Variants in FGF12 observed in about 807,000 individuals in gnomAD.
FGF12 encodes fibroblast growth factor 12B.
A neutral mutation model predicts 23.6 loss-of-function variants in FGF12; 14 were observed. That is an observed-to-expected ratio of 0.59 (90% CI 0.39 to 0.93). FGF12 has a LOEUF of 0.93. Among genes scored for constraint, FGF12 ranks in the 40% least tolerant of loss-of-function variants. The pLI, the probability that FGF12 is intolerant of heterozygous loss-of-function variation, is 0.00. For missense variants in FGF12, 175 were observed against 217.8 expected (o/e 0.80, Z 1.24); for synonymous variants, 62 against 77.3 (o/e 0.80, Z 1.04).
chr3:192,196,572 AT>A (rs1717080256), intron 4 of FGF12, among the ~76,000 whole-genome samples: 1 of 152,136 alleles, frequency 6.6e-6, no homozygotes, highest in African/African-American at 2.4e-5. Context: ...AATCCCATCT[AT>A]GCCATAAAGC....
rs1269791588 is a variant in FGF12, at chr3:192,140,375, A to G, written c.*3634T>C. On this transcript the variant is annotated 3_prime_UTR_variant, in exon 6 of 6. Transcript: ENST00000445105. ...CATCTTGTGCAGATGAAATTAAGCA[A>G]TATCATGGAAAACCTTCTCAAGAGC... 2 of 152,150 alleles carry G rather than the reference A, an allele frequency of 1.3e-5. No homozygotes were observed. Among genetic ancestry groups the G allele is most frequent in the East Asian group, 1.9e-4 (1 of 5,176 alleles). The allele number at this position is 152,150 out of a possible 1,614,324, so 9.4% of individuals were successfully genotyped here. A position where few individuals can be genotyped will look rare whatever the true frequency, so the allele number is the denominator to read the frequency against.
chr3:192,179,031 C>A (rs1577207867), intron 4 of FGF12, among the ~76,000 whole-genome samples: 1 of 152,130 alleles, frequency 6.6e-6, no homozygotes, highest in Admixed American at 6.5e-5. Flanking sequence ...ACTTGAAAAT[C>A]CTTGCTATAA....
intron 4 of FGF12, among the ~76,000 whole-genome samples, chr3:192,295,781 C>A (rs950550732): frequency 6.6e-6 from 1 of 152,162 alleles, no homozygotes; most frequent in African/African-American, 2.4e-5. Context: ...TTGGTATAGA[C>A]TATTTTTATC....
intron 4 of FGF12, among the ~76,000 whole-genome samples, chr3:192,204,868 G>A (rs375341413): frequency 2.6e-5 from 4 of 152,008 alleles, no homozygotes; most frequent in African/African-American, 4.8e-5. Flanking sequence ...CAGCCTGGGC[G>A]ATAGAGTGAG....
chr3:192,658,666 G>T (rs1345659448), intron 2 of FGF12, among the ~76,000 whole-genome samples: 1 of 149,620 alleles, frequency 6.7e-6, no homozygotes, highest in Non-Finnish European at 1.5e-5. Flanking sequence ...CATAACTTAG[G>T]TTTTCAATGA....
chr3:192,544,657 A>T (rs935549805), intron 2 of FGF12, among the ~76,000 whole-genome samples: 1 of 152,122 alleles, frequency 6.6e-6, no homozygotes, highest in Admixed American at 6.6e-5. Flanking sequence ...TAAATTTTAC[A>T]ATTTTTTTTT....
chr3:192,372,860 C>A (rs1341797977), intron 2 of FGF12, among the ~76,000 whole-genome samples: 1 of 152,180 alleles, frequency 6.6e-6, no homozygotes, highest in African/African-American at 2.4e-5. Flanking sequence ...GGCTCCTGCC[C>A]ACAGTTTCAT....
At chr3:192,717,124 G>A (rs1560204263) in intron 2 of FGF12, among the ~76,000 whole-genome samples, 3 of 152,134 alleles carry the variant, frequency 2.0e-5, no homozygotes, top group Admixed American at 6.5e-5. Context: ...GTATTCTGAA[G>A]GTTAATAAAA....
At chr3:192,648,974 G>T (rs1716111308) in intron 2 of FGF12, among the ~76,000 whole-genome samples, 1 of 152,144 alleles carries the variant, frequency 6.6e-6, no homozygotes, top group Non-Finnish European at 1.5e-5. Context: ...CTTCTCTTTG[G>T]AGGGTAGAGT....
At chr3:192,579,533 T>C (rs79618647) in intron 2 of FGF12, among the ~76,000 whole-genome samples, 2,511 of 152,316 alleles carry the variant, frequency 0.016, 79 homozygotes, top group African/African-American at 0.057. Flanking sequence ...ACTGTTTCCA[T>C]GTTGCTGTAA....
chr3:192,597,007 A>T (rs1713885173), intron 2 of FGF12, among the ~76,000 whole-genome samples: 1 of 152,220 alleles, frequency 6.6e-6, no homozygotes, highest in African/African-American at 2.4e-5. Flanking sequence ...AATTCTATGA[A>T]TGTTAAGTCC....
In FGF12 at chr3:192,139,487, A is replaced by C. The variant is rs576946508; in HGVS notation, c.*4522T>G. On this transcript the variant is annotated 3_prime_UTR_variant, in exon 6 of 6. Coordinates refer to ENST00000445105, the MANE Select transcript of FGF12 (RefSeq NM_004113.6). ...AACATTTCAGTGTCAATAATTTCTT[A>C]AGATTGTAACATTTAACCTTGTATT... 2 of 152,290 alleles carry C rather than the reference A, an allele frequency of 1.3e-5. No individual in the cohort carries two copies. The highest frequency in any genetic ancestry group is 6.5e-5 in the Admixed American group (1 of 15,302). 9.4% of individuals were successfully genotyped at this position (152,290 alleles called of 1,614,324 possible).
rs1402366426 is a variant in FGF12, at chr3:192,616,280, A to G, written c.13+110901T>C. 6.6e-5 allele frequency among the ~76,000 whole-genome samples: 10 copies of G among 152,238 alleles called. No individual in the cohort carries two copies. The East Asian group carries it at 1.7e-3, about 26-fold the overall frequency. On this transcript the variant is annotated intron_variant, in intron 2 of 5. Transcript: ENST00000445105. ...AACTTATTTTTATTTGTTTAACTAA[A>G]ACAAATAAACGTAGTATGTCTCTAA...
rs756486654 is a variant in FGF12, at chr3:192,212,433, G to A, written c.229-41777C>T. ...ATGTATTAAATGTGTTATGTAAAAC[G>A]GTGTGGGGAGAAGAATGGTTAAGTT... On this transcript the variant is annotated intron_variant, in intron 4 of 5. Coordinates refer to ENST00000445105, the MANE Select transcript of FGF12 (RefSeq NM_004113.6). Among the ~76,000 whole-genome samples, 3 of 152,108 alleles carry A rather than the reference G, an allele frequency of 2.0e-5. No homozygotes were observed. The East Asian group carries it at 5.8e-4, about 29-fold the overall frequency.
intron 2 of FGF12, among the ~76,000 whole-genome samples, chr3:192,510,298 A>T (rs1724430565): frequency 6.6e-6 from 1 of 152,242 alleles, no homozygotes; most frequent in South Asian, 2.1e-4. Flanking sequence ...GAACAACCTG[A>T]TTTAAAACTG....
chr3:192,158,659 T>TC (rs1560171923), intron 5 of FGF12, among the ~76,000 whole-genome samples: 14 of 42,632 alleles, frequency 3.3e-4, no homozygotes, highest in East Asian at 6.1e-4. Flanking sequence ...CTCCCTCCCT[T>TC]CCTTCCCTCC....
chr3:192,491,143 T>C (rs1723789798), intron 2 of FGF12, among the ~76,000 whole-genome samples: 1 of 152,158 alleles, frequency 6.6e-6, no homozygotes, highest in Non-Finnish European at 1.5e-5. Flanking sequence ...CACTTCTATT[T>C]AACCTTTTTC....
intron 2 of FGF12, among the ~76,000 whole-genome samples, chr3:192,442,808 CTT>C (rs764710938): frequency 8.9e-4 from 124 of 139,666 alleles, no homozygotes; most frequent in African/African-American, 2.2e-3. Context: ...TGTATTCTAT[CTT>C]TTTTTTTTTT....
intron 2 of FGF12, among the ~76,000 whole-genome samples, chr3:192,726,302 A>G (rs1309248738): frequency 6.6e-6 from 1 of 151,786 alleles, no homozygotes; most frequent in East Asian, 1.9e-4. Context: ...CCAGAATTAA[A>G]TACATCCAGT....
Sources: allele counts gnomAD v4.1 joint callset (sites outside exome capture counted in the v4.1 genomes callset), GRCh38; gene constraint gnomAD v4.1.1; transcripts MANE v1.5; gene names NCBI Gene and HGNC (gene_info 2026-07-23, HGNC 2026-07-21).